The following MAP3K7CL variants were observed in gnomAD, a reference collection of about 807,000 sequenced individuals.
MAP3K7CL encodes MAP3K7 C-terminal-like protein.
MAP3K7CL carries 16 observed loss-of-function variants against 18.6 expected under a neutral mutation model. The observed-to-expected ratio is 0.86, with a 90% CI of 0.58 to 1.31. MAP3K7CL has a LOEUF of 1.31. MAP3K7CL is among the 50% of genes most tolerant of loss of function. The pLI is 0.00. For synonymous variants in MAP3K7CL, 65 were observed against 66.8 expected (o/e 0.97, Z 0.13); for missense variants, 163 against 174.4 (o/e 0.93, Z 0.37).
intron 2 of MAP3K7CL, among the ~76,000 whole-genome samples, chr21:29,142,771 T>G (rs933410753): frequency 3.3e-5 from 5 of 152,354 alleles, no homozygotes; most frequent in African/African-American, 9.6e-5. Context: ...GCTTTATCAA[T>G]ACAAATTTTC....
intron 4 of MAP3K7CL, chr21:29,109,498 G>C: frequency 9.1e-7 from 1 of 1,100,994 alleles, no homozygotes; most frequent in Non-Finnish European, 1.1e-6. Flanking sequence ...AACAGTTGTT[G>C]GCAGAGATAC....
Position 29,133,359 on chromosome 21 carries a change from C to T in MAP3K7CL, c.15C>T (p.Ala5=). The change falls in exon 2 of 5, where the codon GCC becomes GCT. Residue 5 remains alanine, a synonymous_variant. Transcript: ENST00000399928. ...CAGGTGCCCACATGATCAGCACAGC[C>T]AGGGTACCTGCTGACAAGCCTGTAC... The part of the protein sequence containing the change: MIST[A]RVPADKPVRI... The T allele has an allele frequency of 6.4e-7, 1 of 1,550,472 alleles. No homozygotes were observed. Among genetic ancestry groups the T allele is most frequent in the Non-Finnish European group, 8.7e-7 (1 of 1,146,896 alleles).
chr21:29,149,133 G>A (rs1037868965), intron 2 of MAP3K7CL, 56 bp from the exon 3 acceptor site: 3 of 1,449,682 alleles, frequency 2.1e-6, no homozygotes, highest in Admixed American at 1.7e-5. Context: ...GGGAGTCCAA[G>A]GACTCCTACA....
chr21:29,144,433 A>G (rs1398663957), intron 2 of MAP3K7CL, among the ~76,000 whole-genome samples: 4 of 152,194 alleles, frequency 2.6e-5, no homozygotes, highest in Non-Finnish European at 5.9e-5. Flanking sequence ...CCAAAGTGCT[A>G]GGATTACAAG....
intron 4 of MAP3K7CL, among the ~76,000 whole-genome samples, chr21:29,104,185 C>G (rs933119589): frequency 6.6e-6 from 1 of 152,094 alleles, no homozygotes; most frequent in Non-Finnish European, 1.5e-5. Context: ...CTCTGCTGCT[C>G]AAAGGGTGGT....
chr21:29,086,884 A>G (rs761733240), intron 1 of MAP3K7CL, among the ~76,000 whole-genome samples: 1 of 152,146 alleles, frequency 6.6e-6, no homozygotes, highest in Non-Finnish European at 1.5e-5. Context: ...CACTCTGCAC[A>G]TTGTGCTGAG....
chr21:29,152,080 G>A (rs1041269974), intron 3 of MAP3K7CL, among the ~76,000 whole-genome samples: 3 of 152,102 alleles, frequency 2.0e-5, no homozygotes, highest in African/African-American at 7.2e-5. Context: ...ATTTCAGTAA[G>A]TGCTTGTTTG....
At chr21:29,150,432 A>G (rs1375819033) in intron 3 of MAP3K7CL, among the ~76,000 whole-genome samples, 1 of 152,090 alleles carries the variant, frequency 6.6e-6, no homozygotes, top group South Asian at 2.1e-4. Flanking sequence ...CCTCATTCTC[A>G]CCTTTGTAGC....
chr21:29,144,774 A>G (rs2087089986), intron 2 of MAP3K7CL, among the ~76,000 whole-genome samples: 3 of 152,242 alleles, frequency 2.0e-5, no homozygotes, highest in Admixed American at 6.5e-5. Flanking sequence ...TTACAGACCC[A>G]ATGTGTCCTA....
chr21:29,099,261 A>ATTTTTTTTTTT (rs968362985), intron 4 of MAP3K7CL, among the ~76,000 whole-genome samples: 4 of 83,030 alleles, frequency 4.8e-5, no homozygotes, highest in Non-Finnish European at 8.7e-5. Context: ...CAGCTAATTG[A>ATTTTTTTTTTT]TTTTTTTTTT....
At chr21:29,109,782 T>C in intron 4 of MAP3K7CL, 2 of 985,558 alleles carry the variant, frequency 2.0e-6, no homozygotes. Flanking sequence ...TAAAGTGTCT[T>C]TTACTTATAT....
At chr21:29,159,031 C>T (rs1398237084) in intron 3 of MAP3K7CL, among the ~76,000 whole-genome samples, 2 of 150,666 alleles carry the variant, frequency 1.3e-5, no homozygotes, top group South Asian at 2.1e-4. Context: ...AGCGATTCTC[C>T]TGCTTCAGTC....
At chr21:29,106,950 AGGCCTGTGTAG>A (rs1601164501) in intron 4 of MAP3K7CL, among the ~76,000 whole-genome samples, 1 of 152,314 alleles carries the variant, frequency 6.6e-6, no homozygotes, top group East Asian at 1.9e-4. Flanking sequence ...GAAAGAAGGC[AGGCCTGTGTAG>A]GGCTTTAGGG....
At chr21:29,091,362 T>C in intron 1 of MAP3K7CL, 1 of 545,318 alleles carries the variant, frequency 1.8e-6, no homozygotes, top group East Asian at 3.1e-5. Context: ...AATAGAATGT[T>C]TTTAGCCAGT....
chr21:29,160,830 G>A (rs986053226), intron 4 of MAP3K7CL, among the ~76,000 whole-genome samples: 4 of 152,230 alleles, frequency 2.6e-5, no homozygotes, highest in African/African-American at 7.2e-5. Flanking sequence ...ATAGTCAGGT[G>A]TTGTCACCAT....
upstream of MAP3K7CL, among the ~76,000 whole-genome samples, chr21:29,126,070 T>C (rs2086676200): frequency 6.6e-6 from 1 of 152,206 alleles, no homozygotes; most frequent in African/African-American, 2.4e-5. Context: ...TTGGGAAGAA[T>C]GAATTGAAGA....
intron 2 of MAP3K7CL, among the ~76,000 whole-genome samples, chr21:29,145,228 T>A (rs1384644750): frequency 6.6e-6 from 1 of 152,132 alleles, no homozygotes; most frequent in Admixed American, 6.5e-5. Flanking sequence ...TTAATAAAAA[T>A]GTACTTGTGC....
intron 1 of MAP3K7CL, chr21:29,131,444 A>C (rs551177451): frequency 6.6e-6 from 1 of 152,256 alleles, no homozygotes; most frequent in Admixed American, 6.5e-5. Flanking sequence ...ATTTGAGACA[A>C]TCCATGCCAT....
chr21:29,117,056 A>G (rs1243104883), intron 4 of MAP3K7CL, among the ~76,000 whole-genome samples: 3 of 152,190 alleles, frequency 2.0e-5, no homozygotes, highest in African/African-American at 4.8e-5. Flanking sequence ...AATAATGCAT[A>G]CTCTTATTTC....
Sources: allele counts gnomAD v4.1 joint callset (sites outside exome capture counted in the v4.1 genomes callset), GRCh38; gene constraint gnomAD v4.1.1; transcripts MANE v1.5; gene names NCBI Gene and HGNC (gene_info 2026-07-23, HGNC 2026-07-21).